ADCY5: variants seen among roughly 807,000 people sequenced by gnomAD.
The protein encoded by ADCY5 is adenylate cyclase type 5.
A neutral mutation model predicts 119.7 loss-of-function variants in ADCY5; 30 were observed. The ratio of observed to expected loss-of-function variants is 0.25; its 90% CI spans 0.19 to 0.34. The LOEUF (loss-of-function observed/expected upper bound fraction) is 0.34. Among genes scored for constraint, ADCY5 ranks in the 10% least tolerant of loss-of-function variants. ADCY5 has a pLI of 1.00. For missense variants in ADCY5, 1,324 were observed against 1,775.2 expected (o/e 0.75, Z 4.57); for synonymous variants, 753 against 762.2 (o/e 0.99, Z 0.20).
intron 8 of ADCY5, among the ~76,000 whole-genome samples, chr3:123,323,159 G>T (rs1056630659): frequency 6.6e-6 from 1 of 152,198 alleles, no homozygotes; most frequent in Admixed American, 6.5e-5. Flanking sequence ...AGCCAGGACA[G>T]GAGCCTCTGT....
intron 1 of ADCY5, among the ~76,000 whole-genome samples, chr3:123,396,013 A>AGAGAGAGGGAGGGAGAGAGAGAGGGAGG (rs1944538343): frequency 5.1e-5 from 1 of 19,618 alleles, no homozygotes; most frequent in Non-Finnish European, 1.3e-4. Context: ...AAAGAGAGAA[A>AGAGAGAGGGAGGGAGAGAGAGAGGGAGG]GAGAGAGGGA....
At chr3:123,322,645 C>T (rs1000628107) in intron 8 of ADCY5, among the ~76,000 whole-genome samples, 2 of 152,230 alleles carry the variant, frequency 1.3e-5, no homozygotes, top group Admixed American at 6.5e-5. Context: ...ACACTCCCTC[C>T]TGCAGCACCT....
intron 10 of ADCY5, 129 bp downstream of exon 10, chr3:123,319,545 A>C: frequency 6.1e-6 from 7 of 1,150,658 alleles, no homozygotes; most frequent in Non-Finnish European, 7.3e-6. Context: ...GTGCAGCATC[A>C]GAGCTGGGGA....
intron 1 of ADCY5, among the ~76,000 whole-genome samples, chr3:123,415,953 C>T (rs542110534): frequency 2.6e-5 from 4 of 152,152 alleles, no homozygotes; most frequent in Non-Finnish European, 5.9e-5. Flanking sequence ...GAAATCAATG[C>T]GGCAAAATCA....
intron 1 of ADCY5, among the ~76,000 whole-genome samples, chr3:123,388,531 G>A (rs1944303249): frequency 1.3e-5 from 2 of 152,086 alleles, no homozygotes; most frequent in Non-Finnish European, 2.9e-5. Flanking sequence ...ATGTGCAGGT[G>A]CATCTCCGGA....
At chr3:123,343,787 C>G (rs1338266531) in intron 3 of ADCY5, among the ~76,000 whole-genome samples, 3 of 152,166 alleles carry the variant, frequency 2.0e-5, no homozygotes, top group Non-Finnish European at 4.4e-5. Flanking sequence ...GGAGGACAGG[C>G]AGGAGGGCTT....
intron 1 of ADCY5, among the ~76,000 whole-genome samples, chr3:123,411,169 C>T (rs1945034803): frequency 6.6e-6 from 1 of 152,198 alleles, no homozygotes; most frequent in Admixed American, 6.5e-5. Flanking sequence ...CTCCACCAAC[C>T]TCTTCCATTG....
At chr3:123,301,064 C>T (rs761493858) in intron 14 of ADCY5, among the ~76,000 whole-genome samples, 24 of 151,814 alleles carry the variant, frequency 1.6e-4, no homozygotes, top group Non-Finnish European at 2.2e-4. Flanking sequence ...TCTGAGCCTC[C>T]GTTTCCTTCT....
chr3:123,380,059 G>C (rs555400993), intron 1 of ADCY5, among the ~76,000 whole-genome samples: 1 of 152,222 alleles, frequency 6.6e-6, no homozygotes, highest in Non-Finnish European at 1.5e-5. Context: ...CCCAACAACG[G>C]ATGAGATTCT....
intron 1 of ADCY5, chr3:123,404,367 G>A (rs1268851102): frequency 6.6e-6 from 1 of 152,258 alleles, no homozygotes; most frequent in Non-Finnish European, 1.5e-5. Context: ...GGTGAGCAAG[G>A]TAACCCCTCA....
chr3:123,402,421 A>G (rs573051186), intron 1 of ADCY5, among the ~76,000 whole-genome samples: 1 of 152,334 alleles, frequency 6.6e-6, no homozygotes, highest in African/African-American at 2.4e-5. Context: ...ATTGATGGTG[A>G]CTGGTGGCCA....
intron 7 of ADCY5, among the ~76,000 whole-genome samples, 191 bp from the exon 8 acceptor site, chr3:123,325,653 T>G (rs536410981): frequency 2.0e-5 from 3 of 152,196 alleles, no homozygotes; most frequent in East Asian, 3.9e-4. Flanking sequence ...CTCTCCAAAC[T>G]CCCTAATGCC....
In ADCY5 at chr3:123,303,192, C is replaced by T; in HGVS notation, c.2587G>A (p.Gly863Ser). Residue 863 changes from glycine to serine, a missense_variant, in exon 14 of 21, where the codon GGC becomes AGC. Around this residue, in one of 6 missense-constraint regions of ADCY5, gnomAD observed 424 missense variants for 546.8 expected, o/e 0.78. Coordinates refer to ENST00000462833, the MANE Select transcript of ADCY5 (RefSeq NM_183357.3). ...MFTCNSRDLLGCLAQEHNISA... is the reference protein window; with the variant it reads ...MFTCNSRDLLSCLAQEHNISA... ...ATGTTGTGCTCCTGTGCCAAGCAGC[C>T]CAGCAGGTCCCTGGAGTTGCACGTG... 1 of 1,613,684 alleles carries T rather than the reference C, an allele frequency of 6.2e-7. No homozygotes were observed.
At chr3:123,365,607 G>A (rs1943409433) in intron 1 of ADCY5, among the ~76,000 whole-genome samples, 1 of 152,200 alleles carries the variant, frequency 6.6e-6, no homozygotes, top group African/African-American at 2.4e-5. Context: ...GGGAGGAGCT[G>A]GCTTTGGAGT....
intron 1 of ADCY5, among the ~76,000 whole-genome samples, chr3:123,443,278 G>C (rs532165049): frequency 6.6e-6 from 1 of 152,270 alleles, no homozygotes; most frequent in South Asian, 2.1e-4. Context: ...TCCCTGGGGA[G>C]CCAGAGGTCG....
At position 123,286,976 on chromosome 3, in the gene ADCY5, G is replaced by T; in HGVS notation, c.3533-167C>A. The T allele has an allele frequency of 1.1e-6, 1 of 900,612 alleles. No homozygotes were observed. Among genetic ancestry groups the T allele is most frequent in the Non-Finnish European group, 1.6e-6 (1 of 632,312 alleles). 55.8% of individuals were successfully genotyped at this position (900,612 alleles called of 1,614,324 possible). ...TGCAGCCTCCCGCTACCCTGCTCCTGTCAAATGCCTGTGAATGCAAGACAC... is the reference window on the plus strand; with the variant it reads ...TGCAGCCTCCCGCTACCCTGCTCCTTTCAAATGCCTGTGAATGCAAGACAC... On this transcript the variant is annotated intron_variant, in intron 19 of 20. Transcript: ENST00000462833. The surrounding 1 kb of genome is among the most constrained non-coding windows in gnomAD (Gnocchi z 4.2).
chr3:123,386,532 G>A (rs983918654), intron 1 of ADCY5, among the ~76,000 whole-genome samples: 10 of 152,162 alleles, frequency 6.6e-5, no homozygotes, highest in Admixed American at 6.5e-4. Context: ...CCTATTGTCT[G>A]GAACAAATTA....
At chr3:123,376,438 C>T (rs1356652926) in intron 1 of ADCY5, among the ~76,000 whole-genome samples, 1 of 152,016 alleles carries the variant, frequency 6.6e-6, no homozygotes, top group Non-Finnish European at 1.5e-5. Flanking sequence ...CAAGGAGGAG[C>T]ATATGTTCTT....
At position 123,300,140 on chromosome 3, in the gene ADCY5, C is replaced by G. The variant is rs1415963499; in HGVS notation, c.2880G>C (p.Leu960=). The change falls in exon 15 of 21, where the codon CTG becomes CTC. Residue 960 remains leucine (L), a synonymous_variant. Transcript: ENST00000462833. ...PGVTLFDNAD[L]LVTANAIDFF... is the part of the protein sequence containing the mutation. ...CATACATGGCGTTGGCGGTGACCAG[C>G]AGGTCGGCGTTGTCGAAGAGCGTGA... 6.2e-7 allele frequency: 1 copy of G among 1,613,766 alleles called. No individual in the cohort carries two copies. Among genetic ancestry groups the G allele is most frequent in the African/African-American group, 1.3e-5 (1 of 74,942 alleles).
Sources: allele counts gnomAD v4.1 joint callset (sites outside exome capture counted in the v4.1 genomes callset), GRCh38; gene constraint gnomAD v4.1.1; regional missense constraint gnomAD v4.1.1; non-coding constraint Gnocchi (gnomAD v3.1); transcripts MANE v1.5; gene names NCBI Gene and HGNC (gene_info 2026-07-23, HGNC 2026-07-21).